The following SORCS3 variants were observed in gnomAD, a reference collection of about 807,000 sequenced individuals.
SORCS3 encodes the protein sortilin related VPS10 domain containing receptor 3, also known as VPS10 domain-containing receptor SorCS3.
A neutral mutation model predicts 146.3 loss-of-function variants in SORCS3; 57 were observed. The ratio of observed to expected loss-of-function variants is 0.39; its 90% CI spans 0.31 to 0.49. SORCS3 has a LOEUF of 0.49. Among genes scored for constraint, SORCS3 ranks in the 20% least tolerant of loss-of-function variants. The pLI, the probability that SORCS3 is intolerant of heterozygous loss-of-function variation, is 0.92. For missense variants in SORCS3, 1,341 were observed against 1,575.5 expected (o/e 0.85, Z 2.52); for synonymous variants, 653 against 618.5 (o/e 1.06, Z -0.83).
intron 3 of SORCS3, among the ~76,000 whole-genome samples, chr10:104,930,126 G>A (rs2019192157): frequency 6.6e-6 from 1 of 152,032 alleles, no homozygotes; most frequent in African/African-American, 2.4e-5. Context: ...CAGAGTGATT[G>A]AAATAATAAA....
At chr10:104,758,844 C>G (rs1245905641) in intron 1 of SORCS3, among the ~76,000 whole-genome samples, 1 of 152,152 alleles carries the variant, frequency 6.6e-6, no homozygotes, top group East Asian at 1.9e-4. Flanking sequence ...GGCTGATATG[C>G]CTCCACAGTT....
chr10:105,241,035 T>C (rs1028375002), intron 20 of SORCS3, among the ~76,000 whole-genome samples: 7 of 152,082 alleles, frequency 4.6e-5, no homozygotes, highest in African/African-American at 1.7e-4. Context: ...TCCTGGGCTG[T>C]TTCCTATTTT....
At chr10:104,974,819 T>G (rs962268639) in intron 3 of SORCS3, among the ~76,000 whole-genome samples, 1 of 152,224 alleles carries the variant, frequency 6.6e-6, no homozygotes, top group Non-Finnish European at 1.5e-5. Context: ...GGCCTGATTT[T>G]GCAGTGGCTG....
At chr10:104,756,795 T>G (rs1036990948) in intron 1 of SORCS3, among the ~76,000 whole-genome samples, 10 of 152,216 alleles carry the variant, frequency 6.6e-5, no homozygotes, top group African/African-American at 2.2e-4. Context: ...CTTTAGAAGT[T>G]GCTGGCAGTG....
intron 1 of SORCS3, among the ~76,000 whole-genome samples, chr10:104,685,426 G>A (rs2016033064): frequency 6.6e-6 from 1 of 152,138 alleles, no homozygotes; most frequent in Non-Finnish European, 1.5e-5. Context: ...GAGATCATGG[G>A]GCCATGAACC....
intron 1 of SORCS3, among the ~76,000 whole-genome samples, chr10:104,721,979 T>G (rs2016555919): frequency 6.6e-6 from 1 of 152,202 alleles, no homozygotes; most frequent in Non-Finnish European, 1.5e-5. Context: ...TTCCTTCTCC[T>G]GCCTGATTGC....
rs151292358 is a variant in SORCS3 at position 104,918,954 on chromosome 10, A to C, written c.795+3022A>C. On this transcript the variant is annotated intron_variant, in intron 3 of 26. Transcript: ENST00000369701. ...TGTATGTTTCCTCTTCGAAAATATCATAATGATGTTTCTTTTTGTCTTTTG... is the reference window on the plus strand; with the variant it reads ...TGTATGTTTCCTCTTCGAAAATATCCTAATGATGTTTCTTTTTGTCTTTTG... 8.5e-5 allele frequency among the ~76,000 whole-genome samples: 13 copies of C among 152,302 alleles called. No individual in the cohort carries two copies. In the East Asian group the frequency reaches 2.3e-3, roughly 27 times the overall value.
In SORCS3 at chr10:104,741,218, G is replaced by A. The variant is rs1315821260; in HGVS notation, c.627+99264G>A. Among the ~76,000 whole-genome samples the A allele has an allele frequency of 3.0e-5, 4 of 135,160 alleles. No homozygotes were observed. In the East Asian group the frequency reaches 8.6e-4, roughly 29 times the overall value. The allele number at this position is 135,160 out of a possible 152,430, so 88.7% of individuals were successfully genotyped here. ...ACTCTTGGCCTTAATCAGTCCTCCT[G>A]CCTCAGCTTCCCAGAGTACTGGGAT... On this transcript the variant is annotated intron_variant, in intron 1 of 26. Transcript: ENST00000369701.
At chr10:104,983,435 T>C (rs1326714594) in intron 4 of SORCS3, among the ~76,000 whole-genome samples, 2 of 152,190 alleles carry the variant, frequency 1.3e-5, no homozygotes, top group African/African-American at 2.4e-5. Context: ...AGATACGGCA[T>C]GTATATGCTT....
At chr10:105,164,892 G>A (rs901109342) in intron 12 of SORCS3, among the ~76,000 whole-genome samples, 3 of 152,118 alleles carry the variant, frequency 2.0e-5, no homozygotes, top group East Asian at 3.9e-4. Flanking sequence ...GTATGAAACA[G>A]ATATATGACT....
intron 6 of SORCS3, among the ~76,000 whole-genome samples, chr10:105,096,800 A>C (rs2133746905): frequency 6.6e-6 from 1 of 152,332 alleles, no homozygotes; most frequent in South Asian, 2.1e-4. Context: ...TGTGCTGTCC[A>C]AATCAAGCTG....
chr10:104,937,968 A>G (rs774950024), intron 3 of SORCS3, among the ~76,000 whole-genome samples: 3 of 152,168 alleles, frequency 2.0e-5, no homozygotes, highest in African/African-American at 7.2e-5. Flanking sequence ...GCCAAGTAGT[A>G]GACGCTTGAC....
At chr10:104,931,375 G>A (rs758945350) in intron 3 of SORCS3, among the ~76,000 whole-genome samples, 2 of 152,180 alleles carry the variant, frequency 1.3e-5, no homozygotes, top group Non-Finnish European at 2.9e-5. Context: ...TCTTTGTTCA[G>A]TAAACCTAGG....
Position 104,852,827 on chromosome 10 carries a change from C to A in SORCS3, c.695+9968C>A, listed in dbSNP as rs74155055. Among the ~76,000 whole-genome samples the A allele has an allele frequency of 3.1e-3, 479 of 152,312 alleles. 2 individuals carry two copies. Among genetic ancestry groups the A allele is most frequent in the African/African-American group, 0.01 (432 of 41,568 alleles). ...ATGTGCTCTGGCACTTACTAATGAG[C>A]TTACATTCTGTCAGCATCAGGGCTG... On this transcript the variant is annotated intron_variant, in intron 2 of 26. Transcript: ENST00000369701.
At chr10:104,811,272 G>A (rs2017737774) in intron 1 of SORCS3, among the ~76,000 whole-genome samples, 1 of 152,170 alleles carries the variant, frequency 6.6e-6, no homozygotes, top group South Asian at 2.1e-4. Flanking sequence ...CTTCATGGGA[G>A]TGGGACCTGC....
chr10:104,791,871 C>A (rs991369647), intron 1 of SORCS3, among the ~76,000 whole-genome samples: 5 of 152,116 alleles, frequency 3.3e-5, no homozygotes, highest in African/African-American at 1.2e-4. Flanking sequence ...TCATTCTCAA[C>A]AGAAAAATTA....
chr10:104,660,618 A>G (rs1231764663), intron 1 of SORCS3, among the ~76,000 whole-genome samples: 2 of 150,154 alleles, frequency 1.3e-5, no homozygotes, highest in Admixed American at 1.3e-4. Flanking sequence ...TTGTGTCTTC[A>G]CTTTTTTTTT....
intron 1 of SORCS3, among the ~76,000 whole-genome samples, chr10:104,763,313 C>CAA: frequency 6.6e-6 from 1 of 152,204 alleles, no homozygotes; most frequent in Non-Finnish European, 1.5e-5. Context: ...CCAATCAACA[C>CAA]TTGTTGATTA....
chr10:105,019,049 A>C (rs1001697743), intron 4 of SORCS3, among the ~76,000 whole-genome samples: 8 of 151,892 alleles, frequency 5.3e-5, no homozygotes, highest in Non-Finnish European at 1.2e-4. Flanking sequence ...TTTTATTTTC[A>C]TTGTTATCAC....
Sources: gnomAD v4.1 joint callset for allele counts (sites outside exome capture counted in the v4.1 genomes callset) on GRCh38, gnomAD v4.1.1 for gene constraint, MANE v1.5 for transcripts, NCBI Gene and HGNC (gene_info 2026-07-23, HGNC 2026-07-21) for gene names.